Variants in EIF2AK3 observed in about 807,000 individuals in gnomAD.
The protein encoded by EIF2AK3 is eukaryotic translation initiation factor 2 alpha kinase 3.
EIF2AK3 carries 50 observed loss-of-function variants against 113.5 expected under a neutral mutation model. That is an observed-to-expected ratio of 0.44 (90% CI 0.35 to 0.56). The LOEUF (loss-of-function observed/expected upper bound fraction) is 0.56. Among genes scored for constraint, EIF2AK3 ranks in the 20% least tolerant of loss-of-function variants. EIF2AK3 has a pLI of 0.00. For synonymous variants in EIF2AK3, 448 were observed against 495.4 expected, an observed-to-expected ratio of 0.90 and a Z score of 1.27; for missense variants, 1,185 against 1,378.0, an observed-to-expected ratio of 0.86 and a Z score of 2.22.
At chr2:88,577,297 T>G (rs1179929267) in intron 11 of EIF2AK3, among the ~76,000 whole-genome samples, 4 of 152,030 alleles carry the variant, frequency 2.6e-5, no homozygotes, top group African/African-American at 9.7e-5. Context: ...TAGGGTATAC[T>G]TCTAAAAGGC....
rs370657508 is a variant in EIF2AK3, at chr2:88,557,868, T to C, written c.3219A>G (p.Glu1073=). 1 of 1,614,126 alleles carries C rather than the reference T, an allele frequency of 6.2e-7. No individual in the cohort carries two copies. The highest frequency in any genetic ancestry group is 8.5e-7 in the Non-Finnish European group (1 of 1,179,968). The change falls in exon 17 of 17, where the codon GAA becomes GAG. Residue 1073 remains glutamate, a synonymous_variant. Transcript: ENST00000303236. ...AGTCCAAGTCCTCAAATACAGCATT[T>C]TCAATGATGTTTATAGCTTCAGGTC... ...MERPEAINII[E]NAVFEDLDFP... is the part of the protein sequence containing the mutation.
At chr2:88,561,259 GCTA>G (rs1205497909) in intron 15 of EIF2AK3, among the ~76,000 whole-genome samples, 1 of 149,210 alleles carries the variant, frequency 6.7e-6, no homozygotes, top group Admixed American at 6.7e-5. Flanking sequence ...TGGCCAGAGG[GCTA>G]CTTTTTTTTT....
chr2:88,564,925 A>G (rs562423313), intron 14 of EIF2AK3, among the ~76,000 whole-genome samples: 7 of 152,318 alleles, frequency 4.6e-5, no homozygotes, highest in African/African-American at 1.4e-4. Context: ...GCCTTCATTA[A>G]TAAGCATCCA....
intron 1 of EIF2AK3, among the ~76,000 whole-genome samples, chr2:88,620,878 C>G (rs957605344): frequency 2.6e-5 from 4 of 152,218 alleles, no homozygotes; most frequent in African/African-American, 9.6e-5. Flanking sequence ...CTCTCAGGGC[C>G]TAGCAGTACC....
chr2:88,566,520 CT>C (rs75677500), intron 14 of EIF2AK3, among the ~76,000 whole-genome samples: 135 of 146,666 alleles, frequency 9.2e-4, no homozygotes, highest in African/African-American at 2.1e-3. Flanking sequence ...TTTAAAAACT[CT>C]TTTTTTTTTT....
rs962426279 is a variant in EIF2AK3, at chr2:88,568,920, T to G, written c.2985+1954A>C. 2.0e-5 allele frequency among the ~76,000 whole-genome samples: 3 copies of G among 152,280 alleles called. No homozygotes were observed. In the East Asian group the frequency reaches 5.8e-4, roughly 29 times the overall value. On this transcript the variant is annotated intron_variant, in intron 14 of 16. Transcript: ENST00000303236. ...AGAGTTTTTTTTTCGAGATGGAGTC[T>G]TGCTCTGTCACCCAGGCTGAAGTGC...
At chr2:88,619,164 A>AT (rs904883779) in intron 1 of EIF2AK3, among the ~76,000 whole-genome samples, 3 of 151,754 alleles carry the variant, frequency 2.0e-5, no homozygotes, top group African/African-American at 4.8e-5. Context: ...TAATTTTTGT[A>AT]TTTTTTAGTA....
At chr2:88,617,085 G>A (rs1175842662) in intron 1 of EIF2AK3, among the ~76,000 whole-genome samples, 1 of 152,138 alleles carries the variant, frequency 6.6e-6, no homozygotes, top group Non-Finnish European at 1.5e-5. Flanking sequence ...TAAGAAAGAG[G>A]TGCTCATTGG....
intron 11 of EIF2AK3, 86 bp from the exon 12 acceptor site, chr2:88,576,789 A>T: frequency 7.1e-7 from 1 of 1,410,990 alleles, no homozygotes; most frequent in Non-Finnish European, 9.8e-7. Flanking sequence ...TACCCCTAAA[A>T]TATGTAGATG....
At chr2:88,592,520 T>C (rs1186901273) in intron 4 of EIF2AK3, among the ~76,000 whole-genome samples, 1 of 152,126 alleles carries the variant, frequency 6.6e-6, no homozygotes, top group Non-Finnish European at 1.5e-5. Flanking sequence ...TCCTAGCACT[T>C]TGGGAGTCTG....
At chr2:88,609,111 C>T (rs1675368545) in intron 2 of EIF2AK3, among the ~76,000 whole-genome samples, 1 of 151,652 alleles carries the variant, frequency 6.6e-6, no homozygotes, top group African/African-American at 2.4e-5. Context: ...AACTTTTGAA[C>T]ATAACTTCTA....
chr2:88,567,625 A>G (rs1341015566), intron 14 of EIF2AK3, among the ~76,000 whole-genome samples: 1 of 152,202 alleles, frequency 6.6e-6, no homozygotes, highest in Non-Finnish European at 1.5e-5. Context: ...CCATTGGCAC[A>G]TATCGTTCAT....
In EIF2AK3 at chr2:88,557,705, C is replaced by G. The variant is rs1573377912; in HGVS notation, c.*31G>C. 6.2e-5 allele frequency: 99 copies of G among 1,608,018 alleles called. No individual in the cohort carries two copies. In the East Asian group the frequency reaches 2.2e-3, roughly 36 times the overall value. ...CTAAGAAGTAGGCTATTATCTGCAT[C>G]ACCTATTAGGGTTGCTAGCACAACT... On this transcript the variant is annotated 3_prime_UTR_variant, in exon 17 of 17. Coordinates refer to ENST00000303236, the MANE Select transcript of EIF2AK3 (RefSeq NM_004836.7).
Position 88,597,051 on chromosome 2 carries a change from A to C in EIF2AK3, c.439-1388T>G, listed in dbSNP as rs1351956797. 2.0e-5 allele frequency among the ~76,000 whole-genome samples: 3 copies of C among 152,138 alleles called. No individual in the cohort carries two copies. The East Asian group carries it at 5.8e-4, about 29-fold the overall frequency. On this transcript the variant is annotated intron_variant, in intron 2 of 16. Coordinates refer to ENST00000303236, the MANE Select transcript of EIF2AK3 (RefSeq NM_004836.7). Reference sequence around the variant, plus strand: ...ATACGAGAGAAGTAAGAGTTAACAAAATTTTTCTACATAGTTTTTTGTTCT... The same window carrying C: ...ATACGAGAGAAGTAAGAGTTAACAACATTTTTCTACATAGTTTTTTGTTCT...
rs773618812 is a variant in EIF2AK3 at position 88,585,880 on chromosome 2, CGTT to C, written c.1608_1610del (p.Thr537del). 1 of 1,614,066 alleles carries C rather than the reference CGTT, an allele frequency of 6.2e-7. No individual in the cohort carries two copies. The highest frequency in any genetic ancestry group is 1.3e-5 in the African/African-American group (1 of 75,034). On this transcript the variant is annotated inframe_deletion, in exon 9 of 17. Coordinates refer to ENST00000303236, the MANE Select transcript of EIF2AK3 (RefSeq NM_004836.7). ...GATGGAAAAGCCTGCGCACAATAAA[CGTT>C]GTTGCTATGATACAAAACAAAATCG...
chr2:88,584,624 G>A (rs1674675064), intron 9 of EIF2AK3, among the ~76,000 whole-genome samples: 1 of 151,814 alleles, frequency 6.6e-6, no homozygotes, highest in Admixed American at 6.6e-5. Flanking sequence ...CTAGTAAGAG[G>A]AGTACAGAGT....
At chr2:88,603,677 T>C (rs180753651) in intron 2 of EIF2AK3, among the ~76,000 whole-genome samples, 212 of 152,292 alleles carry the variant, frequency 1.4e-3, no homozygotes, top group African/African-American at 4.9e-3. Flanking sequence ...AACTTATCAG[T>C]CTCTCTCAAT....
rs776056726 is a variant in EIF2AK3 at position 88,583,447 on chromosome 2, G to GT, written c.1745dup (p.Asn582LysfsTer11). 6 of 1,612,102 alleles carry GT rather than the reference G, an allele frequency of 3.7e-6. No homozygotes were observed. Among genetic ancestry groups the GT allele is most frequent in the Non-Finnish European group, 5.1e-6 (6 of 1,178,828 alleles). On this transcript the variant is annotated frameshift_variant, in exon 10 of 17. Transcript: ENST00000303236. LOFTEE classifies it high-confidence loss of function. ...ACTCTTACCGTGATATATATCCAGAGTTTTTTATGTCATTCCAGCTACTGT... is the reference window on the plus strand; with the variant it reads ...ACTCTTACCGTGATATATATCCAGAGTTTTTTTATGTCATTCCAGCTACTGT...
chr2:88,605,965 G>C (rs1311475842), intron 2 of EIF2AK3, among the ~76,000 whole-genome samples: 1 of 152,144 alleles, frequency 6.6e-6, no homozygotes, highest in Non-Finnish European at 1.5e-5. Flanking sequence ...TTGTTCAGCA[G>C]ATCCGGGTAT....
Sources: allele counts gnomAD v4.1 joint callset (sites outside exome capture counted in the v4.1 genomes callset), GRCh38; gene constraint gnomAD v4.1.1; transcripts MANE v1.5; gene names NCBI Gene and HGNC (gene_info 2026-07-23, HGNC 2026-07-21).